TOGARAM1: variants seen among roughly 807,000 people sequenced by gnomAD.
TOGARAM1 encodes TOG array regulator of axonemal microtubules protein 1.
In TOGARAM1, 100 loss-of-function variants were observed where a neutral mutation model predicts 166.6. The observed-to-expected ratio is 0.60, with a 90% CI of 0.51 to 0.71. The LOEUF is 0.71. Among genes scored for constraint, TOGARAM1 ranks in the 30% least tolerant of loss-of-function variants. The pLI is 0.00. For synonymous variants in TOGARAM1, 758 were observed against 763.8 expected (o/e 0.99, Z 0.13); for missense variants, 2,029 against 2,102.7 (o/e 0.96, Z 0.69).
At chr14:44,982,395 T>C (rs947857893) in intron 1 of TOGARAM1, among the ~76,000 whole-genome samples, 1 of 152,230 alleles carries the variant, frequency 6.6e-6, no homozygotes, top group African/African-American at 2.4e-5. Flanking sequence ...AATGGGTTAG[T>C]GGCATCAAGT....
At chr14:45,045,483 C>T (rs1234789056) in intron 13 of TOGARAM1, among the ~76,000 whole-genome samples, 1 of 137,664 alleles carries the variant, frequency 7.3e-6, no homozygotes, top group African/African-American at 2.7e-5. Context: ...TCCAAGTTTG[C>T]TGCAAAAGAC....
At chr14:44,996,045 A>G (rs755562851) in intron 2 of TOGARAM1, 143 bp downstream of exon 2, 1 of 555,814 alleles carries the variant, frequency 1.8e-6, no homozygotes, top group Non-Finnish European at 2.9e-6. Context: ...ATAAGAATGG[A>G]CACTTAGACA....
chr14:44,971,921 A>AT (rs888354141), intron 1 of TOGARAM1, among the ~76,000 whole-genome samples: 1 of 152,204 alleles, frequency 6.6e-6, no homozygotes, highest in African/African-American at 2.4e-5. Context: ...TCATTGACTC[A>AT]TAGTTCCTCA....
At chr14:45,045,583 A>ATATGTGTG (rs1431167583) in intron 13 of TOGARAM1, among the ~76,000 whole-genome samples, 1 of 37,472 alleles carries the variant, frequency 2.7e-5, no homozygotes, top group African/African-American at 1.3e-4. Flanking sequence ...ATATATATAT[A>ATATGTGTG]TGTGTGTGTG....
At chr14:45,019,180 T>C (rs2138881858) in intron 7 of TOGARAM1, among the ~76,000 whole-genome samples, 1 of 152,348 alleles carries the variant, frequency 6.6e-6, no homozygotes, top group Admixed American at 6.5e-5. Flanking sequence ...CATTTTTGTC[T>C]CTTTACCTTC....
At position 45,073,351 on chromosome 14, in the gene TOGARAM1, G is replaced by T; in HGVS notation, c.5112G>T (p.Leu1704Phe). 6.2e-7 allele frequency: 1 copy of T among 1,614,116 alleles called. No individual in the cohort carries two copies. Among genetic ancestry groups the T allele is most frequent in the Non-Finnish European group, 8.5e-7 (1 of 1,180,024 alleles). The part of the protein sequence containing the change: ...RKPHATEQKV[L>F]VVLWHLLGNM... ...CGCATGCCACAGAGCAGAAAGTGTT[G>T]GTTGTTTTATGGCATCTCTTAGGAA... is the stretch of plus-strand genomic sequence containing the variant. Residue 1704 changes from leucine (L) to phenylalanine (F), a missense_variant, in exon 20 of 20, where the codon TTG becomes TTT. Leu to Phe is a conservative substitution (Grantham distance 22). Transcript: ENST00000361462.
chr14:45,072,544 C>T (rs1883431746), intron 19 of TOGARAM1, among the ~76,000 whole-genome samples: 1 of 152,070 alleles, frequency 6.6e-6, no homozygotes, highest in South Asian at 2.1e-4. Flanking sequence ...CCTGCCTCAG[C>T]CTCCTGAGTA....
At chr14:45,027,624 AGC>A in intron 9 of TOGARAM1, 150 bp downstream of exon 9, 1 of 576,184 alleles carries the variant, frequency 1.7e-6, no homozygotes, top group East Asian at 3.5e-5. Flanking sequence ...AATGTGGCAA[AGC>A]CCTGTCTCTA....
intron 11 of TOGARAM1, among the ~76,000 whole-genome samples, chr14:45,036,211 A>G (rs1327571918): frequency 6.6e-6 from 1 of 151,634 alleles, no homozygotes; most frequent in Non-Finnish European, 1.5e-5. Flanking sequence ...CAAAGGGAAG[A>G]CATGGCAGTA....
In TOGARAM1 at chr14:45,009,034, C is replaced by T; in HGVS notation, c.3026C>T (p.Ser1009Phe). 1 of 1,614,064 alleles carries T rather than the reference C, an allele frequency of 6.2e-7. No individual in the cohort carries two copies. The highest frequency in any genetic ancestry group is 8.5e-7 in the Non-Finnish European group (1 of 1,179,988). ...ATGAAGCTCGACTTGACGATGGACT[C>T]CCCGTCTCTGTCTTCCTCACCAAAC... ...SAMKLDLTMD[S>F]PSLSSSPNIN... Residue 1009 changes from serine (S) to phenylalanine (F), a missense_variant, in exon 6 of 20, where the codon TCC becomes TTC. By Grantham distance (155) the Ser-to-Phe change is radical (BLOSUM62 -2). Coordinates refer to ENST00000361462, the MANE Select transcript of TOGARAM1 (RefSeq NM_001308120.2).
chr14:45,059,857 A>G (rs1039054201), intron 16 of TOGARAM1, among the ~76,000 whole-genome samples: 3 of 152,100 alleles, frequency 2.0e-5, no homozygotes, highest in Non-Finnish European at 2.9e-5. Context: ...TGATATTTTA[A>G]GTACAGCCCA....
chr14:44,969,057 A>G (rs1243066132), intron 1 of TOGARAM1, among the ~76,000 whole-genome samples: 2 of 151,962 alleles, frequency 1.3e-5, no homozygotes, highest in East Asian at 3.9e-4. Context: ...AGTAATATGC[A>G]TTTAAGTTTC....
chr14:45,057,436 T>G (rs1466935737), intron 16 of TOGARAM1, among the ~76,000 whole-genome samples: 1 of 152,126 alleles, frequency 6.6e-6, no homozygotes, highest in Non-Finnish European at 1.5e-5. Flanking sequence ...TTGTTTATTT[T>G]TTTTTATAGA....
chr14:44,982,426 G>C (rs191251020), intron 1 of TOGARAM1, among the ~76,000 whole-genome samples: 1 of 152,196 alleles, frequency 6.6e-6, no homozygotes, highest in Admixed American at 6.5e-5. Flanking sequence ...TCATTAGCTG[G>C]CTACCATTTA....
At position 45,004,214 on chromosome 14, in the gene TOGARAM1, C is replaced by T; in HGVS notation, c.2492C>T (p.Ser831Phe). 1 of 1,614,054 alleles carries T rather than the reference C, an allele frequency of 6.2e-7. No individual in the cohort carries two copies. Among genetic ancestry groups the T allele is most frequent in the Middle Eastern group, 1.7e-4 (1 of 6,058 alleles). Residue 831 changes from serine (S) to phenylalanine (F), a missense_variant, in exon 4 of 20, where the codon TCT becomes TTT. Around this residue, in one of 2 missense-constraint regions of TOGARAM1, gnomAD observed 1,453 missense variants for 1,432.2 expected, o/e 1.01. Transcript: ENST00000361462. ...CCTCGAACTAGTCCAAAGCATACAT[C>T]TCCTCTTATTATATCTCCAAAGAAG... ...SSPRTSPKHT[S>F]PLIISPKKSQ...
At chr14:44,965,572 CATAT>C (rs1885483192) in intron 1 of TOGARAM1, among the ~76,000 whole-genome samples, 1 of 152,162 alleles carries the variant, frequency 6.6e-6, no homozygotes, top group African/African-American at 2.4e-5. Flanking sequence ...ATAGGAGATA[CATAT>C]ATATTAAGTA....
intron 16 of TOGARAM1, among the ~76,000 whole-genome samples, chr14:45,061,197 G>A (rs1441416906): frequency 6.6e-6 from 1 of 152,038 alleles, no homozygotes; most frequent in Non-Finnish European, 1.5e-5. Context: ...TATTCTGTGG[G>A]GTATAATCAA....
intron 1 of TOGARAM1, among the ~76,000 whole-genome samples, chr14:44,994,866 T>G (rs753852923): frequency 6.6e-6 from 1 of 152,230 alleles, no homozygotes; most frequent in Non-Finnish European, 1.5e-5. Flanking sequence ...ATTTGATAAT[T>G]GGCAAAGTTT....
In TOGARAM1 at chr14:45,073,367, C is replaced by G; in HGVS notation, c.5128C>G (p.Leu1710Val). The G allele has an allele frequency of 6.2e-7, 1 of 1,614,122 alleles. No individual in the cohort carries two copies. The change falls in exon 20 of 20, where the codon CTC becomes GTC. Residue 1710 changes from leucine to valine, a missense_variant. Around this residue, in one of 2 missense-constraint regions of TOGARAM1, gnomAD observed 576 missense variants for 670.5 expected, o/e 0.86. Transcript: ENST00000361462. ...EQKVLVVLWH[L>V]LGNMTNSGSL... The stretch of plus-strand genomic sequence containing the variant: ...GAAAGTGTTGGTTGTTTTATGGCAT[C>G]TCTTAGGAAATATGACAAATAGTGG...
Sources: allele counts gnomAD v4.1 joint callset (sites outside exome capture counted in the v4.1 genomes callset), GRCh38; gene constraint gnomAD v4.1.1; regional missense constraint gnomAD v4.1.1; transcripts MANE v1.5; gene names NCBI Gene and HGNC (gene_info 2026-07-23, HGNC 2026-07-21).